The following HMGCL variants were observed in gnomAD, a reference collection of about 807,000 sequenced individuals.
The protein encoded by HMGCL is 3-hydroxy-3-methylglutaryl-CoA lyase.
A neutral mutation model predicts 37.3 loss-of-function variants in HMGCL; 26 were observed. The observed-to-expected ratio is 0.70, with a 90% CI of 0.51 to 0.97. The LOEUF is 0.97. Ranked by LOEUF, HMGCL falls within the 50% of genes least tolerant of loss-of-function variation. The pLI, the probability that HMGCL is intolerant of heterozygous loss-of-function variation, is 0.00. For synonymous variants in HMGCL, 151 were observed against 148.0 expected, an observed-to-expected ratio of 1.02 and a Z score of -0.15; for missense variants, 379 against 398.1, an observed-to-expected ratio of 0.95 and a Z score of 0.41.
chr1:23,804,879 C>G (rs181040879), intron 7 of HMGCL, among the ~76,000 whole-genome samples: 1 of 123,772 alleles, frequency 8.1e-6, no homozygotes, highest in African/African-American at 3.0e-5. Context: ...ATTTATTACC[C>G]CCCCCCCACT....
chr1:23,825,131 C>T (rs999886870), intron 1 of HMGCL, among the ~76,000 whole-genome samples: 1 of 152,202 alleles, frequency 6.6e-6, no homozygotes, highest in East Asian at 1.9e-4. Flanking sequence ...TCCCAGGTCT[C>T]CATGACCCAG....
chr1:23,805,906 CTCTCTACAGTGTAT>C (rs1470823651), intron 7 of HMGCL, among the ~76,000 whole-genome samples: 2 of 152,056 alleles, frequency 1.3e-5, no homozygotes, highest in African/African-American at 2.4e-5. Flanking sequence ...ACTGGTTCTT[CTCTCTACAGTGTAT>C]TCTCTACACA....
rs1239447690 is a variant in HMGCL at position 23,820,490 on chromosome 1, T to G, written c.144+20A>C. ...CAGATGCTTGAAAAAACTGTTTTTT[T>G]GGCTCATTTCCAACTTTACCTTTTC... On this transcript the variant is annotated intron_variant, in intron 2 of 8. Transcript: ENST00000374490. The G allele has an allele frequency of 6.3e-7, 1 of 1,584,346 alleles. No homozygotes were observed. The highest frequency in any genetic ancestry group is 2.2e-5 in the East Asian group (1 of 44,744).
rs116644706 is a variant in HMGCL at position 23,824,556 on chromosome 1, A to G, written c.60+800T>C. On this transcript the variant is annotated intron_variant, in intron 1 of 8. Coordinates refer to ENST00000374490, the MANE Select transcript of HMGCL (RefSeq NM_000191.3). The stretch of plus-strand genomic sequence containing the variant: ...AGTGTATTTTTCCCTCTATACAGTT[A>G]TAACTCCTTCTCAACTCCCTAAGGT... Among the ~76,000 whole-genome samples the G allele has an allele frequency of 6.8e-3, 1,034 of 152,264 alleles. 18 individuals are homozygous for G. The highest frequency in any genetic ancestry group is 0.023 in the African/African-American group (971 of 41,546).
rs369514739 is a variant in HMGCL, at chr1:23,802,174, C to T, written c.*289G>A. ...CTCAAGGATCATGCTAAGTAGGGAA[C>T]GGGGTTCCCACACGTCCTCAGGCAT... On this transcript the variant is annotated 3_prime_UTR_variant, in exon 9 of 9. Coordinates refer to ENST00000374490, the MANE Select transcript of HMGCL (RefSeq NM_000191.3). The T allele has an allele frequency of 8.4e-6, 5 of 593,232 alleles. No homozygotes were observed. The highest frequency in any genetic ancestry group is 3.7e-5 in the African/African-American group (2 of 53,928). The allele number at this position is 593,232 out of a possible 1,614,324, so 36.7% of individuals were successfully genotyped here. A position where few individuals can be genotyped will look rare whatever the true frequency, so the allele number is the denominator to read the frequency against.
Position 23,801,998 on chromosome 1 carries a change from C to G in HMGCL, c.*465G>C, listed in dbSNP as rs1476203108. The G allele has an allele frequency of 7.0e-6, 3 of 429,094 alleles. No individual in the cohort carries two copies. The highest frequency in any genetic ancestry group is 1.2e-5 in the Non-Finnish European group (3 of 242,484). 26.6% of individuals were successfully genotyped at this position (429,094 alleles called of 1,614,324 possible). ...CAGACGGCCACCACGTAGCTCTCCA[C>G]TTTCCACAAATGGCCTCTGCCAGCT... On this transcript the variant is annotated 3_prime_UTR_variant, in exon 9 of 9. Transcript: ENST00000374490.
chr1:23,817,399 A>C (rs1570652232), intron 3 of HMGCL, 77 bp downstream of exon 3: 1 of 852,546 alleles, frequency 1.2e-6, no homozygotes, highest in East Asian at 2.4e-5. Context: ...TATGTTCTCA[A>C]CTTCTACTTG....
intron 1 of HMGCL, 79 bp from the exon 2 acceptor site, chr1:23,820,672 A>G: frequency 1.1e-6 from 1 of 892,168 alleles, no homozygotes; most frequent in Non-Finnish European, 1.9e-6. Flanking sequence ...GAAAGAATGG[A>G]TCTATCTTCA....
intron 2 of HMGCL, among the ~76,000 whole-genome samples, chr1:23,820,076 T>C (rs991961198): frequency 1.3e-5 from 2 of 152,224 alleles, no homozygotes; most frequent in African/African-American, 4.8e-5. Flanking sequence ...TTGGCCTTCG[T>C]GACTTGCTTT....
intron 1 of HMGCL, among the ~76,000 whole-genome samples, chr1:23,824,332 T>C (rs1424504525): frequency 2.6e-5 from 4 of 152,210 alleles, no homozygotes; most frequent in African/African-American, 9.6e-5. Context: ...CTAATACTAA[T>C]ACTGGTTCCT....
chr1:23,814,130 A>C, intron 5 of HMGCL, 60 bp downstream of exon 5: 1 of 1,590,708 alleles, frequency 6.3e-7, no homozygotes, highest in South Asian at 1.1e-5. Context: ...CACTTGAGTC[A>C]GAGTCTAGCC....
rs1638414604 is a variant in HMGCL, at chr1:23,806,560, C to T, written c.750+1575G>A. On this transcript the variant is annotated intron_variant, in intron 7 of 8. Transcript: ENST00000374490. The surrounding 1 kb of genome is among the most constrained non-coding windows in gnomAD (Gnocchi z 4.0). ...CCGCAGGGCTCACTCCCTCGCTTCC[C>T]TCAGGTCTCTCTCAAATGCTACCTT... The T allele has an allele frequency of 4.9e-6, 1 of 203,394 alleles. No individual in the cohort carries two copies. 12.6% of individuals were successfully genotyped at this position (203,394 alleles called of 1,614,324 possible).
At chr1:23,816,305 C>G (rs1638612763) in intron 4 of HMGCL, 1 of 311,644 alleles carries the variant, frequency 3.2e-6, no homozygotes. Flanking sequence ...TTGGCAGATG[C>G]CAGCAACTAC....
chr1:23,804,026 C>T, intron 8 of HMGCL: 2 of 248,982 alleles, frequency 8.0e-6, no homozygotes, highest in South Asian at 9.7e-5. Context: ...CTTCTTATGC[C>T]CATGCGTGTG....
In HMGCL at chr1:23,808,121, A is replaced by T. The variant is rs778868742; in HGVS notation, c.750+14T>A. On this transcript the variant is annotated intron_variant, in intron 7 of 8. Coordinates refer to ENST00000374490, the MANE Select transcript of HMGCL (RefSeq NM_000191.3). ...CCGTGACCTTTGGGAGAATGGGCAT[A>T]TGCTTTTGATTACCTGCAGGGCCAT... The T allele has an allele frequency of 2.5e-6, 4 of 1,612,404 alleles. No individual in the cohort carries two copies. In the South Asian group the frequency reaches 4.4e-5, roughly 18 times the overall value.
intron 5 of HMGCL, 94 bp from the exon 6 acceptor site, chr1:23,810,893 T>G: frequency 5.2e-6 from 5 of 958,986 alleles, no homozygotes; most frequent in Non-Finnish European, 8.4e-6. Context: ...TTCTGATCAG[T>G]GTGCAATCAA....
intron 1 of HMGCL, among the ~76,000 whole-genome samples, chr1:23,824,816 C>A (rs1343921344): frequency 6.6e-6 from 1 of 152,148 alleles, no homozygotes; most frequent in African/African-American, 2.4e-5. Flanking sequence ...GCTACGTCTC[C>A]CACACTTTTT....
At chr1:23,823,763 G>A (rs1219295322) in intron 1 of HMGCL, among the ~76,000 whole-genome samples, 1 of 151,940 alleles carries the variant, frequency 6.6e-6, no homozygotes, top group Non-Finnish European at 1.5e-5. Context: ...GGAGGCTGAG[G>A]CAGAAGAATC....
intron 2 of HMGCL, among the ~76,000 whole-genome samples, chr1:23,820,074 C>T (rs960540736): frequency 1.3e-5 from 2 of 152,324 alleles, no homozygotes; most frequent in South Asian, 2.1e-4. Context: ...ATTTGGCCTT[C>T]GTGACTTGCT....
Sources: allele counts gnomAD v4.1 joint callset (sites outside exome capture counted in the v4.1 genomes callset), GRCh38; gene constraint gnomAD v4.1.1; non-coding constraint Gnocchi (gnomAD v3.1); transcripts MANE v1.5; gene names NCBI Gene and HGNC (gene_info 2026-07-23, HGNC 2026-07-21).